Variants in EPHA6 observed in about 807,000 individuals in gnomAD.
The protein encoded by EPHA6 is ephrin type-A receptor 6.
Under a neutral mutation model 112.0 loss-of-function variants are expected in EPHA6, and 50 were observed. That is an observed-to-expected ratio of 0.45 (90% confidence interval 0.36 to 0.56). The LOEUF is 0.56. Among genes scored for constraint, EPHA6 ranks in the 20% least tolerant of loss-of-function variants. EPHA6 has a pLI of 0.00. For missense variants in EPHA6, 1,280 were observed against 1,417.4 expected (o/e 0.90, Z 1.56); for synonymous variants, 529 against 490.7 (o/e 1.08, Z -1.03).
At chr3:97,450,489 G>C (rs2107327668) in intron 7 of EPHA6, among the ~76,000 whole-genome samples, 1 of 152,088 alleles carries the variant, frequency 6.6e-6, no homozygotes, top group Middle Eastern at 3.4e-3. Flanking sequence ...TAAACTCATA[G>C]AGCTACATCT....
At chr3:97,510,266 TCA>T (rs2092339371) in intron 10 of EPHA6, among the ~76,000 whole-genome samples, 1 of 152,232 alleles carries the variant, frequency 6.6e-6, no homozygotes, top group South Asian at 2.1e-4. Context: ...AGGAGAATTC[TCA>T]CTCTAGTTTT....
rs192298315 is a variant in EPHA6 at position 97,202,614 on chromosome 3, G to A, written c.1115-23650G>A. The stretch of plus-strand genomic sequence containing the variant: ...CTCCCAAATTGCTGGGATTACAGGC[G>A]TAAGCCACCGTGCTTGGCCAGATAT... On this transcript the variant is annotated intron_variant, in intron 3 of 17. Transcript: ENST00000389672. Among the ~76,000 whole-genome samples the A allele has an allele frequency of 1.4e-4, 22 of 152,152 alleles. No homozygotes were observed. In the East Asian group the frequency reaches 1.7e-3, roughly 12 times the overall value.
At chr3:97,261,838 G>A (rs2079513962) in intron 5 of EPHA6, among the ~76,000 whole-genome samples, 1 of 152,110 alleles carries the variant, frequency 6.6e-6, no homozygotes, top group Non-Finnish European at 1.5e-5. Context: ...TTTTCCAGAT[G>A]AGGAAACTGA....
intron 3 of EPHA6, among the ~76,000 whole-genome samples, chr3:97,179,144 C>T (rs999314409): frequency 1.3e-5 from 2 of 151,904 alleles, no homozygotes; most frequent in Non-Finnish European, 2.9e-5. Flanking sequence ...CTGCTTGATC[C>T]ATTCTGCTAT....
At chr3:97,172,462 A>G (rs1270189324) in intron 3 of EPHA6, among the ~76,000 whole-genome samples, 2 of 152,188 alleles carry the variant, frequency 1.3e-5, no homozygotes, top group East Asian at 1.9e-4. Flanking sequence ...AAGCAAAACT[A>G]TCTAATTGCA....
At chr3:96,972,940 G>A (rs2042375002) in intron 2 of EPHA6, among the ~76,000 whole-genome samples, 1 of 152,196 alleles carries the variant, frequency 6.6e-6, no homozygotes, top group African/African-American at 2.4e-5. Flanking sequence ...AACTTTGGAT[G>A]TATGTGTCCA....
At chr3:97,128,349 T>C (rs533273553) in intron 3 of EPHA6, among the ~76,000 whole-genome samples, 1 of 152,334 alleles carries the variant, frequency 6.6e-6, no homozygotes, top group East Asian at 1.9e-4. Context: ...TTGTGACTTC[T>C]TTTCCTTTGG....
At chr3:97,521,917 C>T (rs1443161465) in intron 10 of EPHA6, among the ~76,000 whole-genome samples, 2 of 129,028 alleles carry the variant, frequency 1.6e-5, no homozygotes, top group African/African-American at 3.2e-5. Context: ...TCTGGAGAGC[C>T]TTTTTCAAAA....
At chr3:96,881,784 A>G (rs943032850) in intron 2 of EPHA6, among the ~76,000 whole-genome samples, 1 of 152,234 alleles carries the variant, frequency 6.6e-6, no homozygotes, top group African/African-American at 2.4e-5. Context: ...TCCTGGGTAC[A>G]GGCATTGGGT....
At chr3:97,042,716 G>A (rs1401506310) in intron 3 of EPHA6, among the ~76,000 whole-genome samples, 2 of 152,150 alleles carry the variant, frequency 1.3e-5, no homozygotes, top group Non-Finnish European at 2.9e-5. Flanking sequence ...AGCAGGAGGG[G>A]CTGTGGACTT....
intron 3 of EPHA6, among the ~76,000 whole-genome samples, chr3:97,110,126 A>G (rs2047679496): frequency 6.6e-6 from 1 of 152,174 alleles, no homozygotes; most frequent in Non-Finnish European, 1.5e-5. Context: ...TACTTTGCAT[A>G]TTCATTGCAT....
Position 97,377,040 on chromosome 3 carries a change from T to C in EPHA6, c.1607-28110T>C, listed in dbSNP as rs181388155. On this transcript the variant is annotated intron_variant, in intron 5 of 17. Transcript: ENST00000389672. ...GAACAAATATGATTCTCCTGCACTG[T>C]GTAATGCTAAATCTTGGAGATAATC... Among the ~76,000 whole-genome samples the C allele has an allele frequency of 5.3e-3, 805 of 152,336 alleles. 4 individuals are homozygous for C. Among genetic ancestry groups the C allele is most frequent in the African/African-American group, 0.016 (683 of 41,592 alleles).
intron 2 of EPHA6, among the ~76,000 whole-genome samples, chr3:96,978,851 T>C (rs1180189485): frequency 6.6e-6 from 1 of 152,200 alleles, no homozygotes; most frequent in East Asian, 1.9e-4. Flanking sequence ...CTTCAGACCC[T>C]TCTCTCATTC....
chr3:97,269,379 C>T (rs1023368045), intron 5 of EPHA6, among the ~76,000 whole-genome samples: 1 of 152,142 alleles, frequency 6.6e-6, no homozygotes, highest in African/African-American at 2.4e-5. Flanking sequence ...CTCCCCTTCT[C>T]TCACAATTTC....
chr3:97,362,454 CTAAT>C (rs1294240264), intron 5 of EPHA6, among the ~76,000 whole-genome samples: 2 of 151,854 alleles, frequency 1.3e-5, no homozygotes, highest in Admixed American at 1.3e-4. Context: ...TTCATAATAT[CTAAT>C]TATTTTACAT....
At chr3:96,937,415 G>A (rs1192968113) in intron 2 of EPHA6, among the ~76,000 whole-genome samples, 3 of 151,952 alleles carry the variant, frequency 2.0e-5, no homozygotes, top group African/African-American at 4.8e-5. Flanking sequence ...CTTTTGAGAA[G>A]TGTCTGTTCA....
At chr3:97,372,775 A>T (rs2085134936) in intron 5 of EPHA6, among the ~76,000 whole-genome samples, 2 of 152,142 alleles carry the variant, frequency 1.3e-5, no homozygotes, top group Admixed American at 1.3e-4. Flanking sequence ...ATGTTATTAC[A>T]TATCATATAT....
At chr3:96,969,393 A>G (rs1300623896) in intron 2 of EPHA6, among the ~76,000 whole-genome samples, 1 of 151,912 alleles carries the variant, frequency 6.6e-6, no homozygotes, top group African/African-American at 2.4e-5. Context: ...CGTGGATATA[A>G]TTTCTCATGT....
chr3:97,016,252 T>C (rs2044263260), intron 3 of EPHA6, among the ~76,000 whole-genome samples: 2 of 152,262 alleles, frequency 1.3e-5, no homozygotes, highest in Non-Finnish European at 1.5e-5. Flanking sequence ...AAACAATTAA[T>C]GTATCTTCCA....
Sources: gnomAD v4.1 joint callset for allele counts (sites outside exome capture counted in the v4.1 genomes callset) on GRCh38, gnomAD v4.1.1 for gene constraint, MANE v1.5 for transcripts, NCBI Gene and HGNC (gene_info 2026-07-23, HGNC 2026-07-21) for gene names.